SPATA16: variants seen among roughly 807,000 people sequenced by gnomAD.
SPATA16 encodes spermatogenesis-associated protein 16.
A neutral mutation model predicts 63.3 loss-of-function variants in SPATA16; 36 were observed. That is an observed-to-expected ratio of 0.57 (90% CI 0.44 to 0.75). The LOEUF is 0.75. Among genes scored for constraint, SPATA16 ranks in the 30% least tolerant of loss-of-function variants. The pLI is 0.00. For missense variants in SPATA16, 646 were observed against 679.3 expected (o/e 0.95, Z 0.54); for synonymous variants, 203 against 216.7 (o/e 0.94, Z 0.56).
chr3:172,910,092 C>CTTTTT (rs35827342), intron 10 of SPATA16, among the ~76,000 whole-genome samples: 2 of 127,154 alleles, frequency 1.6e-5, no homozygotes, highest in African/African-American at 3.0e-5. Flanking sequence ...ACAGCAAATG[C>CTTTTT]TTTTTTTTTT....
At chr3:173,011,519 G>A (rs1735074342) in intron 4 of SPATA16, among the ~76,000 whole-genome samples, 1 of 152,110 alleles carries the variant, frequency 6.6e-6, no homozygotes, top group South Asian at 2.1e-4. Context: ...CCTACTAAAT[G>A]GGCAAAAGCT....
chr3:172,957,108 T>C (rs938214418), intron 5 of SPATA16, among the ~76,000 whole-genome samples: 1 of 152,200 alleles, frequency 6.6e-6, no homozygotes, highest in Non-Finnish European at 1.5e-5. Flanking sequence ...TAAGGTGTCA[T>C]GTTTTACTTG....
chr3:172,979,833 A>G (rs1310132038), intron 4 of SPATA16, among the ~76,000 whole-genome samples: 16 of 152,230 alleles, frequency 1.1e-4, no homozygotes, highest in Non-Finnish European at 1.2e-4. Flanking sequence ...CATAAGTATT[A>G]TAAGAGCAAA....
intron 2 of SPATA16, among the ~76,000 whole-genome samples, chr3:173,090,473 G>A (rs1737195153): frequency 6.6e-6 from 1 of 152,142 alleles, no homozygotes; most frequent in South Asian, 2.1e-4. Flanking sequence ...TGATGCTAAA[G>A]TCTTACATTT....
In SPATA16 at chr3:173,118,216, A is replaced by G. The variant is rs1160793848; in HGVS notation, c.-18-467T>C. 3.3e-5 allele frequency among the ~76,000 whole-genome samples: 5 copies of G among 152,356 alleles called. No individual in the cohort carries two copies. In the East Asian group the frequency reaches 9.6e-4, roughly 29 times the overall value. Reference sequence around the variant, plus strand: ...GAAACCCCAGCTGCTTCCTCTGAAAAGCTTCCAAAAATGTGAGCACAATCT... The same window carrying G: ...GAAACCCCAGCTGCTTCCTCTGAAAGGCTTCCAAAAATGTGAGCACAATCT... On this transcript the variant is annotated intron_variant, in intron 1 of 10. Transcript: ENST00000351008.
chr3:172,902,715 A>G (rs1489974609), intron 10 of SPATA16, among the ~76,000 whole-genome samples: 1 of 152,186 alleles, frequency 6.6e-6, no homozygotes, highest in Non-Finnish European at 1.5e-5. Flanking sequence ...GTTCCTCTCC[A>G]GAGTCTATTC....
intron 4 of SPATA16, among the ~76,000 whole-genome samples, chr3:173,018,451 T>A (rs562467183): frequency 2.6e-5 from 4 of 151,888 alleles, no homozygotes; most frequent in African/African-American, 4.8e-5. Flanking sequence ...ATTTTTTGTG[T>A]TTTCAGTAGA....
chr3:173,025,715 C>G (rs968626736), intron 3 of SPATA16, among the ~76,000 whole-genome samples: 2 of 151,886 alleles, frequency 1.3e-5, no homozygotes, highest in African/African-American at 4.8e-5. Flanking sequence ...ATAGTATATA[C>G]CCTATGCGTA....
chr3:173,136,313 T>C (rs1177547986), intron 1 of SPATA16, among the ~76,000 whole-genome samples: 1 of 152,188 alleles, frequency 6.6e-6, no homozygotes, highest in East Asian at 1.9e-4. Flanking sequence ...ATAATTATTA[T>C]TTTTTACTTT....
chr3:173,114,883 C>G (rs1311841466), intron 2 of SPATA16, among the ~76,000 whole-genome samples: 1 of 152,180 alleles, frequency 6.6e-6, no homozygotes, highest in African/African-American at 2.4e-5. Flanking sequence ...CAAATCTTTT[C>G]TATTCCCAGT....
At chr3:173,112,618 T>C (rs1267619944) in intron 2 of SPATA16, among the ~76,000 whole-genome samples, 2 of 152,218 alleles carry the variant, frequency 1.3e-5, no homozygotes, top group African/African-American at 2.4e-5. Flanking sequence ...GAATAATGAA[T>C]GTAAATAATC....
intron 2 of SPATA16, among the ~76,000 whole-genome samples, chr3:173,060,643 A>G (rs1478145333): frequency 6.6e-6 from 1 of 152,168 alleles, no homozygotes; most frequent in African/African-American, 2.4e-5. Flanking sequence ...AACACTTACT[A>G]TTGCCTTATT....
intron 2 of SPATA16, among the ~76,000 whole-genome samples, chr3:173,068,363 G>A (rs1736574347): frequency 6.6e-6 from 1 of 152,170 alleles, no homozygotes; most frequent in Admixed American, 6.5e-5. Context: ...CGGTTGAAGT[G>A]TAGAAGTTTG....
At chr3:172,950,187 A>C (rs1334924297) in intron 6 of SPATA16, among the ~76,000 whole-genome samples, 1 of 152,192 alleles carries the variant, frequency 6.6e-6, no homozygotes, top group Non-Finnish European at 1.5e-5. Flanking sequence ...GGTGCAGTGG[A>C]TGATGGAGAC....
At chr3:172,954,870 G>A (rs950915681) in intron 6 of SPATA16, among the ~76,000 whole-genome samples, 1 of 152,128 alleles carries the variant, frequency 6.6e-6, no homozygotes, top group African/African-American at 2.4e-5. Flanking sequence ...CAGTCCCAAC[G>A]AAATTTAAAT....
rs1337069736 is a variant in SPATA16, at chr3:172,889,416, T to G, written c.*154A>C. On this transcript the variant is annotated 3_prime_UTR_variant, in exon 11 of 11. Coordinates refer to ENST00000351008, the MANE Select transcript of SPATA16 (RefSeq NM_031955.6). ...CAGTTGAGATTAATGAAACATAGAG[T>G]GTCTTTGGTAAAGATGAACTGAGGG... is the stretch of plus-strand genomic sequence containing the variant. The G allele has an allele frequency of 9.8e-7, 1 of 1,022,906 alleles. No homozygotes were observed. The highest frequency in any genetic ancestry group is 1.5e-6 in the Non-Finnish European group (1 of 674,094). The allele number at this position is 1,022,906 out of a possible 1,614,324, so 63.4% of individuals were successfully genotyped here. A position where few individuals can be genotyped will look rare whatever the true frequency, so the allele number is the denominator to read the frequency against.
chr3:173,114,287 G>GTT (rs1379529604), intron 2 of SPATA16, among the ~76,000 whole-genome samples: 1 of 151,472 alleles, frequency 6.6e-6, no homozygotes, highest in Non-Finnish European at 1.5e-5. Context: ...TTCTTTCTCA[G>GTT]TAACAGAACT....
intron 2 of SPATA16, among the ~76,000 whole-genome samples, chr3:173,116,030 A>G (rs1356730761): frequency 6.6e-6 from 1 of 151,894 alleles, no homozygotes; most frequent in Non-Finnish European, 1.5e-5. Flanking sequence ...TGTAGCTAGT[A>G]GTATAGATGT....
chr3:172,981,484 G>A (rs1286030932), intron 4 of SPATA16, among the ~76,000 whole-genome samples: 3 of 152,122 alleles, frequency 2.0e-5, no homozygotes, highest in Non-Finnish European at 4.4e-5. Context: ...CTCTGCTCCT[G>A]ACAGGGTCCA....
Sources: allele counts gnomAD v4.1 joint callset (sites outside exome capture counted in the v4.1 genomes callset), GRCh38; gene constraint gnomAD v4.1.1; transcripts MANE v1.5; gene names NCBI Gene and HGNC (gene_info 2026-07-23, HGNC 2026-07-21).